CD1B: variants seen among roughly 807,000 people sequenced by gnomAD.
CD1B encodes CD1b molecule, also known as T-cell surface glycoprotein CD1b.
A neutral mutation model predicts 39.8 loss-of-function variants in CD1B; 43 were observed. The ratio of observed to expected loss-of-function variants is 1.08; its 90% CI spans 0.85 to 1.39. The LOEUF (loss-of-function observed/expected upper bound fraction) is 1.39, where lower values mean the gene tolerates loss of function less well. Among genes scored for constraint, CD1B ranks in the 40% most tolerant of loss-of-function variants. CD1B has a pLI of 0.00. For missense variants in CD1B, 495 were observed against 403.8 expected (o/e 1.23, Z -1.94); for synonymous variants, 192 against 152.5 (o/e 1.26, Z -1.91).
the CD1B span, among the ~76,000 whole-genome samples, chr1:158,297,004 T>A: frequency 6.6e-6 from 1 of 150,740 alleles, no homozygotes; most frequent in Admixed American, 6.6e-5. Context: ...AGAGAGAGAG[T>A]GTGCAAACAA....
chr1:158,292,651 G>A, the CD1B span: 2 of 1,613,564 alleles, frequency 1.2e-6, no homozygotes, highest in Non-Finnish European at 1.7e-6. Flanking sequence ...GCCAGCTGTT[G>A]CTGGTTTGTC....
chr1:158,331,059 A>G lies in CD1B; in HGVS notation c.65T>C (p.Phe22Ser). The change falls in exon 2 of 6, where the codon TTC (phenylalanine) becomes TCC (serine). Residue 22 changes from phenylalanine (F) to serine (S), a missense_variant. Phe to Ser is a radical substitution (Grantham distance 155). Transcript: ENST00000368168. ...AACATGAAAGGAGGTCGGCCCCTGG[A>G]AGGCTGTGAAGAGTGGAAAAGCAAG... Reference protein sequence around the residue: ...LFPGGNSEHAFQGPTSFHVIQ... With the variant: ...LFPGGNSEHASQGPTSFHVIQ... 6.2e-7 allele frequency: 1 copy of G among 1,601,858 alleles called. No homozygotes were observed. Among genetic ancestry groups the G allele is most frequent in the African/African-American group, 1.3e-5 (1 of 74,400 alleles).
Position 158,329,015 on chromosome 1 carries a change from CT to C in CD1B, c.887-2del. On this transcript the variant is annotated splice_acceptor_variant, in intron 4 of 5. Transcript: ENST00000368168. LOFTEE classifies it high-confidence loss of function. The stretch of plus-strand genomic sequence containing the variant: ...ATTGAGCCAATGGAGGTGGGGTTTC[CT>C]GGCAATTGAGAGAGGACAAAAGGAT... The C allele has an allele frequency of 6.2e-7, 1 of 1,611,538 alleles. No homozygotes were observed. Among genetic ancestry groups the C allele is most frequent in the South Asian group, 1.1e-5 (1 of 90,706 alleles).
At chr1:158,325,067 AATAACTATCTT>A (rs1652305951), downstream of CD1B, among the ~76,000 whole-genome samples, 1 of 152,090 alleles carries the variant, frequency 6.6e-6, no homozygotes, top group South Asian at 2.1e-4. Context: ...AAATAGAAAG[AATAACTATCTT>A]ATTACCTTGA....
chr1:158,308,154 A>C, the CD1B span, among the ~76,000 whole-genome samples: 1 of 152,328 alleles, frequency 6.6e-6, no homozygotes, highest in East Asian at 1.9e-4. Flanking sequence ...ATACAAAGTC[A>C]ATGTGCAAAA....
At chr1:158,319,706 G>A in the CD1B span, among the ~76,000 whole-genome samples, 31 of 152,338 alleles carry the variant, frequency 2.0e-4, no homozygotes, top group South Asian at 1.7e-3. Flanking sequence ...TTGCTGGTGA[G>A]GAACTGCGTT....
At chr1:158,291,820 A>G in the CD1B span, among the ~76,000 whole-genome samples, 6 of 151,914 alleles carry the variant, frequency 3.9e-5, no homozygotes, top group East Asian at 9.7e-4. Flanking sequence ...TTCACCCTCT[A>G]TCCTATATTA....
the CD1B span, among the ~76,000 whole-genome samples, chr1:158,290,797 A>G: frequency 1.3e-5 from 2 of 152,330 alleles, no homozygotes; most frequent in African/African-American, 4.8e-5. Flanking sequence ...TTCCGCTGCT[A>G]GTTCTTCTCC....
chr1:158,320,113 TTGTC>T, the CD1B span, among the ~76,000 whole-genome samples: 1 of 152,232 alleles, frequency 6.6e-6, no homozygotes, highest in South Asian at 2.1e-4. Context: ...AGCTTTTTGT[TTGTC>T]TGTGCCCTGC....
At chr1:158,328,699 T>G (rs902559350) in intron 5 of CD1B, among the ~76,000 whole-genome samples, 2 of 152,166 alleles carry the variant, frequency 1.3e-5, no homozygotes, top group Non-Finnish European at 2.9e-5. Flanking sequence ...TTAACACCAC[T>G]GAACTGTACA....
chr1:158,308,876 C>A, the CD1B span, among the ~76,000 whole-genome samples: 3 of 152,168 alleles, frequency 2.0e-5, no homozygotes, highest in African/African-American at 7.2e-5. Flanking sequence ...ACCGTAAAAA[C>A]CCTAGAAGAA....
downstream of CD1B, among the ~76,000 whole-genome samples, chr1:158,326,861 A>G (rs1032067656): frequency 6.6e-6 from 1 of 152,118 alleles, no homozygotes. Flanking sequence ...CAGTGGCACA[A>G]TCTTGGCTCA....
chr1:158,311,502 G>T, the CD1B span, among the ~76,000 whole-genome samples: 72 of 152,156 alleles, frequency 4.7e-4, no homozygotes, highest in African/African-American at 1.6e-3. Context: ...GAGCTTGTTA[G>T]TTAGATAAAA....
chr1:158,321,968 C>A, the CD1B span, among the ~76,000 whole-genome samples: 1 of 152,066 alleles, frequency 6.6e-6, no homozygotes, highest in East Asian at 1.9e-4. Context: ...ACCATGTGTC[C>A]ATGTATAACA....
rs1375313964 is a variant in CD1B at position 158,330,170 on chromosome 1, T to A, written c.329-40A>T. 1.1e-5 allele frequency: 17 copies of A among 1,539,362 alleles called. No individual in the cohort carries two copies. In the Admixed American group the frequency reaches 1.3e-4, roughly 12 times the overall value. ...AAGAGAGCAAGTTATTAAACACAAA[T>A]AAGAAAAAAAGGCATGAGAAAAGAA... On this transcript the variant is annotated intron_variant, in intron 2 of 5. Coordinates refer to ENST00000368168, the MANE Select transcript of CD1B (RefSeq NM_001764.3).
intron 5 of CD1B, 24 bp downstream of exon 5, chr1:158,328,897 A>C (rs1032568928): frequency 6.5e-7 from 1 of 1,538,286 alleles, no homozygotes. Context: ...ATTAAAAAAA[A>C]AAACAACACC....
At chr1:158,317,742 T>C in the CD1B span, among the ~76,000 whole-genome samples, 2 of 152,238 alleles carry the variant, frequency 1.3e-5, no homozygotes, top group Non-Finnish European at 2.9e-5. Flanking sequence ...CTAGTTCTTT[T>C]AACTGTGATG....
chr1:158,295,709 C>T, the CD1B span, among the ~76,000 whole-genome samples: 1 of 151,822 alleles, frequency 6.6e-6, no homozygotes, highest in African/African-American at 2.4e-5. Flanking sequence ...CTGGCCTCTC[C>T]CAGGATCCCT....
chr1:158,292,198 C>T, the CD1B span: 5 of 1,614,204 alleles, frequency 3.1e-6, no homozygotes, highest in Middle Eastern at 1.6e-4. Context: ...CAGAATACAA[C>T]ATGGGTGCCA....
Sources: allele counts gnomAD v4.1 joint callset (sites outside exome capture counted in the v4.1 genomes callset), GRCh38; gene constraint gnomAD v4.1.1; transcripts MANE v1.5; gene names NCBI Gene and HGNC (gene_info 2026-07-23, HGNC 2026-07-21).